Variants in TAFA1 observed in about 807,000 individuals in gnomAD.
TAFA1 encodes chemokine-like protein TAFA-1.
TAFA1 carries 4 observed loss-of-function variants against 18.5 expected under a neutral mutation model. The ratio of observed to expected loss-of-function variants is 0.22; its 90% confidence interval spans 0.11 to 0.49. TAFA1 has a LOEUF of 0.49. TAFA1 is among the 20% of genes least tolerant of loss of function. The pLI, the probability that TAFA1 is intolerant of heterozygous loss-of-function variation, is 0.98. For synonymous variants in TAFA1, 56 were observed against 55.2 expected, an observed-to-expected ratio of 1.01 and a Z score of -0.06; for missense variants, 147 against 169.0, an observed-to-expected ratio of 0.87 and a Z score of 0.72.
chr3:68,294,228 C>T (rs1330043278), intron 2 of TAFA1, among the ~76,000 whole-genome samples: 6 of 151,896 alleles, frequency 4.0e-5, no homozygotes, highest in Admixed American at 3.9e-4. Context: ...CAACACTGCC[C>T]AATATAAGTA....
intron 2 of TAFA1, among the ~76,000 whole-genome samples, chr3:68,146,484 A>G (rs1323928648): frequency 1.3e-5 from 2 of 152,226 alleles, no homozygotes; most frequent in Non-Finnish European, 2.9e-5. Flanking sequence ...TTCAACACCC[A>G]AAGGACTGTG....
chr3:68,202,441 C>G (rs1039563901), intron 2 of TAFA1, among the ~76,000 whole-genome samples: 4 of 151,626 alleles, frequency 2.6e-5, no homozygotes, highest in South Asian at 4.1e-4. Context: ...CTATTTTTGT[C>G]TGTGACTCTT....
chr3:68,519,774 T>A (rs374472359), intron 3 of TAFA1, among the ~76,000 whole-genome samples: 3 of 152,302 alleles, frequency 2.0e-5, no homozygotes, highest in East Asian at 1.9e-4. Flanking sequence ...ATGTGGGCAC[T>A]AATTCCATCC....
chr3:68,122,628 G>C (rs1481040950), intron 2 of TAFA1, among the ~76,000 whole-genome samples: 1 of 151,970 alleles, frequency 6.6e-6, no homozygotes, highest in Non-Finnish European at 1.5e-5. Flanking sequence ...AAACCTAATA[G>C]TCTGTCATTG....
intron 2 of TAFA1, among the ~76,000 whole-genome samples, chr3:68,378,541 T>G (rs1488359069): frequency 2.0e-5 from 3 of 152,170 alleles, no homozygotes; most frequent in Admixed American, 6.6e-5. Context: ...GACTTTGGAC[T>G]GTGGATCTTC....
At chr3:68,392,280 G>A (rs1575828646) in intron 2 of TAFA1, among the ~76,000 whole-genome samples, 1 of 151,610 alleles carries the variant, frequency 6.6e-6, no homozygotes, top group East Asian at 1.9e-4. Flanking sequence ...ATTACATAAT[G>A]GTAAAGGATT....
intron 2 of TAFA1, among the ~76,000 whole-genome samples, chr3:68,225,054 G>T (rs2066780532): frequency 6.6e-6 from 1 of 151,610 alleles, no homozygotes; most frequent in Admixed American, 6.6e-5. Flanking sequence ...GACTACAGGT[G>T]CACACCACCA....
chr3:68,055,633 T>C (rs1463323289), intron 2 of TAFA1, among the ~76,000 whole-genome samples: 1 of 152,036 alleles, frequency 6.6e-6, no homozygotes, highest in East Asian at 1.9e-4. Flanking sequence ...AGCTTCTGCT[T>C]GGTCTCCCAG....
chr3:68,287,809 C>G (rs1205144740), intron 2 of TAFA1, among the ~76,000 whole-genome samples: 2 of 149,358 alleles, frequency 1.3e-5, no homozygotes, highest in Non-Finnish European at 3.0e-5. Context: ...TTTGTGAAAT[C>G]TAATTATACC....
intron 2 of TAFA1, among the ~76,000 whole-genome samples, chr3:68,248,820 A>G (rs539585137): frequency 3.9e-5 from 6 of 152,054 alleles, no homozygotes; most frequent in Admixed American, 2.6e-4. Context: ...TTAAGTAAAA[A>G]TGCTGTATAA....
chr3:68,330,089 C>T (rs192737932), intron 2 of TAFA1, among the ~76,000 whole-genome samples: 21 of 152,124 alleles, frequency 1.4e-4, no homozygotes, highest in African/African-American at 4.6e-4. Context: ...TGTATCAGTA[C>T]CACTTATATA....
At chr3:68,193,684 C>A (rs2066376161) in intron 2 of TAFA1, among the ~76,000 whole-genome samples, 1 of 151,690 alleles carries the variant, frequency 6.6e-6, no homozygotes, top group Non-Finnish European at 1.5e-5. Context: ...ATACAATTTT[C>A]TTAGAGAAAT....
rs77817763 is a variant in TAFA1 at position 68,305,957 on chromosome 3, A to G, written c.119-111323A>G. Among the ~76,000 whole-genome samples the G allele has an allele frequency of 4.8e-3, 733 of 152,352 alleles. 7 individuals are homozygous for G. Among genetic ancestry groups the G allele is most frequent in the African/African-American group, 0.016 (651 of 41,586 alleles). ...TACAGCACCTAGAATAATACTTTGT[A>G]TGGTGAGGCATAGATTTAAAATGTT... On this transcript the variant is annotated intron_variant, in intron 2 of 4. Coordinates refer to ENST00000478136, the MANE Select transcript of TAFA1 (RefSeq NM_213609.4).
intron 3 of TAFA1, among the ~76,000 whole-genome samples, chr3:68,422,806 A>G (rs1240994278): frequency 6.6e-6 from 1 of 152,142 alleles, no homozygotes; most frequent in Non-Finnish European, 1.5e-5. Context: ...GCCTAGCACT[A>G]TTCTGAAGGA....
chr3:68,098,235 C>A (rs2065109805), intron 2 of TAFA1, among the ~76,000 whole-genome samples: 1 of 151,636 alleles, frequency 6.6e-6, no homozygotes, highest in Admixed American at 6.6e-5. Context: ...CCTCTCAACT[C>A]GAGATATTTT....
At chr3:68,037,505 T>C (rs1705077645) in intron 2 of TAFA1, among the ~76,000 whole-genome samples, 1 of 152,220 alleles carries the variant, frequency 6.6e-6, no homozygotes, top group Non-Finnish European at 1.5e-5. Flanking sequence ...TAGGTGTTAA[T>C]ATTTTATGTC....
At chr3:68,113,890 TTTTTTTG>T (rs1245668511) in intron 2 of TAFA1, among the ~76,000 whole-genome samples, 29,441 of 59,446 alleles carry the variant, frequency 0.5, 4,714 homozygotes, top group Middle Eastern at 0.55. Context: ...GGGGTGTAGT[TTTTTTTG>T]TTTTTTTTTT....
chr3:68,502,951 A>G (rs1025524848), intron 3 of TAFA1, among the ~76,000 whole-genome samples: 7 of 152,200 alleles, frequency 4.6e-5, no homozygotes, highest in African/African-American at 1.7e-4. Flanking sequence ...GCGGGGGAAT[A>G]GCTAAACAAA....
chr3:68,323,238 T>C (rs975381303), intron 2 of TAFA1, among the ~76,000 whole-genome samples: 1 of 152,196 alleles, frequency 6.6e-6, no homozygotes, highest in Non-Finnish European at 1.5e-5. Context: ...CTCCTCCAGC[T>C]GAAATGAATC....
Sources: allele counts gnomAD v4.1 joint callset (sites outside exome capture counted in the v4.1 genomes callset), GRCh38; gene constraint gnomAD v4.1.1; transcripts MANE v1.5; gene names NCBI Gene and HGNC (gene_info 2026-07-23, HGNC 2026-07-21).